ANKUB1: variants seen among roughly 807,000 people sequenced by gnomAD.
The protein encoded by ANKUB1 is protein ANKUB1.
A neutral mutation model predicts 49.3 loss-of-function variants in ANKUB1; 42 were observed. That is an observed-to-expected ratio of 0.85 (90% CI 0.67 to 1.10). The LOEUF (loss-of-function observed/expected upper bound fraction) is 1.10, where lower values mean the gene tolerates loss of function less well. ANKUB1 is among the 50% of genes least tolerant of loss of function. The pLI, the probability that ANKUB1 is intolerant of heterozygous loss-of-function variation, is 0.00. For synonymous variants in ANKUB1, 222 were observed against 231.0 expected, an observed-to-expected ratio of 0.96 and a Z score of 0.35; for missense variants, 613 against 642.0, an observed-to-expected ratio of 0.95 and a Z score of 0.49.
intron 2 of ANKUB1, among the ~76,000 whole-genome samples, chr3:149,787,602 C>T (rs963933999): frequency 2.6e-5 from 4 of 152,150 alleles, no homozygotes; most frequent in Non-Finnish European, 5.9e-5. Flanking sequence ...ACTTCCAACA[C>T]TATGTTGAAT....
At chr3:149,764,615 C>G (rs1716927388) in intron 5 of ANKUB1, among the ~76,000 whole-genome samples, 1 of 140,882 alleles carries the variant, frequency 7.1e-6, no homozygotes, top group South Asian at 2.5e-4. Flanking sequence ...TCCCTCCCTC[C>G]TCTCCTCCCT....
In ANKUB1 at chr3:149,767,993, A is replaced by G. The variant is rs1370002602; in HGVS notation, c.669T>C (p.Gly223=). 6.6e-7 allele frequency: 1 copy of G among 1,520,970 alleles called. No homozygotes were observed. Among genetic ancestry groups the G allele is most frequent in the Non-Finnish European group, 8.9e-7 (1 of 1,128,232 alleles). 94.2% of individuals were successfully genotyped at this position (1,520,970 alleles called of 1,614,324 possible). ...KQGARPHEAV[G]VHPYRAWCHE... is the part of the protein sequence containing the mutation. Reference sequence around the variant, plus strand: ...GGCACCATGCTCGATAGGGGTGAACACCGACTGCCTCGTGGGGCCGCGCAC... The same window carrying G: ...GGCACCATGCTCGATAGGGGTGAACGCCGACTGCCTCGTGGGGCCGCGCAC... The change falls in exon 5 of 6, where the codon GGT becomes GGC. Residue 223 remains glycine (G), a synonymous_variant. Coordinates refer to ENST00000446160, the MANE Select transcript of ANKUB1 (RefSeq NM_001144960.3).
intron 3 of ANKUB1, among the ~76,000 whole-genome samples, chr3:149,775,860 C>T (rs1389566030): frequency 6.6e-6 from 1 of 151,956 alleles, no homozygotes; most frequent in Non-Finnish European, 1.5e-5. Flanking sequence ...CTAAAATGAG[C>T]ATCTGGTACC....
At chr3:149,787,897 T>C (rs1332104332) in intron 2 of ANKUB1, among the ~76,000 whole-genome samples, 1 of 152,250 alleles carries the variant, frequency 6.6e-6, no homozygotes. Flanking sequence ...TAATATCTAC[T>C]TGTATCTTTT....
In ANKUB1 at chr3:149,790,997, C is replaced by T. The variant is rs940911966; in HGVS notation, c.91-73G>A. On this transcript the variant is annotated intron_variant, in intron 1 of 5. Coordinates refer to ENST00000446160, the MANE Select transcript of ANKUB1 (RefSeq NM_001144960.3). ...TAGACCAGAAATGTACTCTCTTTCC[C>T]TTTACATTTTTTTCCTCTGGGCATT... is the stretch of plus-strand genomic sequence containing the variant. 12 of 1,409,978 alleles carry T rather than the reference C, an allele frequency of 8.5e-6. No homozygotes were observed. In the African/African-American group the frequency reaches 1.7e-4, roughly 20 times the overall value. 87.3% of individuals were successfully genotyped at this position (1,409,978 alleles called of 1,614,324 possible).
chr3:149,774,495 G>C (rs1173613778), intron 3 of ANKUB1, among the ~76,000 whole-genome samples: 2 of 152,172 alleles, frequency 1.3e-5, no homozygotes, highest in African/African-American at 4.8e-5. Context: ...TGGCCTACCT[G>C]TTCTCCAGAT....
Position 149,790,421 on chromosome 3 carries a change from A to G in ANKUB1, c.234+360T>C, listed in dbSNP as rs564095545. ...TCTTCTCCTTCCTCATTCCACTGCC[A>G]GTAATCACTGTGGCCCCACCAAAGT... On this transcript the variant is annotated intron_variant, in intron 2 of 5. Transcript: ENST00000446160. 7.2e-5 allele frequency among the ~76,000 whole-genome samples: 11 copies of G among 152,274 alleles called. No individual in the cohort carries two copies. In the East Asian group the frequency reaches 2.1e-3, roughly 29 times the overall value.
chr3:149,781,581 G>T (rs926237768), intron 2 of ANKUB1, among the ~76,000 whole-genome samples: 1 of 152,106 alleles, frequency 6.6e-6, no homozygotes, highest in East Asian at 1.9e-4. Context: ...ATGCTGTCTT[G>T]CCCCTCCTTT....
At chr3:149,766,817 A>AGCAGCAGCAGCAGC in intron 5 of ANKUB1, 1 of 899,758 alleles carries the variant, frequency 1.1e-6, no homozygotes, top group East Asian at 2.8e-5. Flanking sequence ...GAAAAAAGAA[A>AGCAGCAGCAGCAGC]AGCAGCAGCA....
chr3:149,766,451 A>G (rs557103356), intron 5 of ANKUB1, among the ~76,000 whole-genome samples: 1 of 152,106 alleles, frequency 6.6e-6, no homozygotes, highest in East Asian at 1.9e-4. Context: ...TTAATGTTTT[A>G]TTAGCTTTAG....
rs938703683 is a variant in ANKUB1, at chr3:149,780,343, A to G, written c.347T>C (p.Val116Ala). The change falls in exon 3 of 6, where the codon GTA becomes GCA. Residue 116 changes from valine (V) to alanine (A), a missense_variant. Coordinates refer to ENST00000446160, the MANE Select transcript of ANKUB1 (RefSeq NM_001144960.3). Reference sequence around the variant, plus strand: ...CACGGGGAGGCCACATCTCAGAGTTACCAGTGTTCTCAGATCAGACACTGT... The same window carrying G: ...CACGGGGAGGCCACATCTCAGAGTTGCCAGTGTTCTCAGATCAGACACTGT... ...DKTVSDLRTL[V>A]TLRCGLPVSV... is the part of the protein sequence containing the mutation. 1.9e-6 allele frequency: 3 copies of G among 1,551,858 alleles called. No individual in the cohort carries two copies. The African/African-American group carries it at 4.1e-5, about 21-fold the overall frequency.
intron 2 of ANKUB1, among the ~76,000 whole-genome samples, chr3:149,790,254 C>G (rs981847673): frequency 6.6e-6 from 1 of 152,146 alleles, no homozygotes; most frequent in Non-Finnish European, 1.5e-5. Flanking sequence ...TAAAGCCCAA[C>G]CGTGCATCTT....
At chr3:149,791,352 G>A (rs1406116034) in intron 1 of ANKUB1, among the ~76,000 whole-genome samples, 1 of 152,158 alleles carries the variant, frequency 6.6e-6, no homozygotes, top group Non-Finnish European at 1.5e-5. Context: ...GTTAGTTAAT[G>A]TGTTAATTAG....
intron 4 of ANKUB1, among the ~76,000 whole-genome samples, chr3:149,769,100 T>C (rs1717209253): frequency 6.6e-6 from 1 of 152,192 alleles, no homozygotes; most frequent in African/African-American, 2.4e-5. Flanking sequence ...TTTATAAAAT[T>C]GTAAAATCTG....
At chr3:149,771,280 G>A (rs576824541) in intron 3 of ANKUB1, among the ~76,000 whole-genome samples, 2 of 152,082 alleles carry the variant, frequency 1.3e-5, no homozygotes, top group Admixed American at 6.6e-5. Context: ...TCAGCCTTCC[G>A]TTCTTCTCAA....
chr3:149,784,977 G>A (rs2108278840), intron 2 of ANKUB1, among the ~76,000 whole-genome samples: 1 of 152,252 alleles, frequency 6.6e-6, no homozygotes, highest in Admixed American at 6.5e-5. Flanking sequence ...GGTGAAAACA[G>A]TGGACAAAAC....
intron 5 of ANKUB1, among the ~76,000 whole-genome samples, chr3:149,764,331 C>T (rs1409139173): frequency 6.6e-6 from 1 of 151,060 alleles, no homozygotes; most frequent in East Asian, 2.0e-4. Context: ...CCTTCCACAG[C>T]CCACCAACAA....
At chr3:149,783,565 A>G (rs532226256) in intron 2 of ANKUB1, 1 of 152,360 alleles carries the variant, frequency 6.6e-6, no homozygotes, top group East Asian at 1.9e-4. Context: ...ATAAGAAAGG[A>G]AAAGCTAAAC....
chr3:149,762,954 T>A (rs979835024), intron 5 of ANKUB1, among the ~76,000 whole-genome samples: 9 of 152,228 alleles, frequency 5.9e-5, no homozygotes, highest in Non-Finnish European at 1.3e-4. Flanking sequence ...TCTGCCTGGA[T>A]CCTTTACCTC....
Sources: allele counts gnomAD v4.1 joint callset (sites outside exome capture counted in the v4.1 genomes callset), GRCh38; gene constraint gnomAD v4.1.1; transcripts MANE v1.5; gene names NCBI Gene and HGNC (gene_info 2026-07-23, HGNC 2026-07-21).